Variants in RCAN1 observed in about 807,000 individuals in gnomAD.
RCAN1 encodes calcipressin-1.
A neutral mutation model predicts 22.9 loss-of-function variants in RCAN1; 11 were observed. That is an observed-to-expected ratio of 0.48 (90% CI 0.30 to 0.79). The LOEUF is 0.79. Ranked by LOEUF, RCAN1 falls within the 30% of genes least tolerant of loss-of-function variation. The pLI is 0.06. For synonymous variants in RCAN1, 136 were observed against 142.3 expected, an observed-to-expected ratio of 0.96 and a Z score of 0.32; for missense variants, 291 against 337.8, an observed-to-expected ratio of 0.86 and a Z score of 1.09.
chr21:34,521,485 A>C lies in RCAN1; in HGVS notation c.586+14T>G. On this transcript the variant is annotated intron_variant, in intron 3 of 3. Coordinates refer to ENST00000313806, the MANE Select transcript of RCAN1 (RefSeq NM_004414.7). ...TCTCCCCCTGCCTCCCTCCCACCCG[A>C]GGGCCCTGCTCACCTGGCCCCAGCT... The C allele has an allele frequency of 1.2e-6, 2 of 1,614,078 alleles. No individual in the cohort carries two copies. Among genetic ancestry groups the C allele is most frequent in the Non-Finnish European group, 1.7e-6 (2 of 1,180,014 alleles).
chr21:34,590,873 T>C (rs8134042), intron 1 of RCAN1, among the ~76,000 whole-genome samples: 1 of 152,200 alleles, frequency 6.6e-6, no homozygotes, highest in Admixed American at 6.5e-5. Flanking sequence ...TATAGCTGTA[T>C]ATTGGAGTGC....
intron 1 of RCAN1, among the ~76,000 whole-genome samples, chr21:34,567,986 C>T (rs946246061): frequency 1.2e-4 from 19 of 152,314 alleles, no homozygotes; most frequent in African/African-American, 2.9e-4. Flanking sequence ...GATAGCTAAG[C>T]GCACAGAAGG....
At chr21:34,543,937 C>T (rs1286576721) in intron 1 of RCAN1, among the ~76,000 whole-genome samples, 1 of 152,190 alleles carries the variant, frequency 6.6e-6, no homozygotes, top group South Asian at 2.1e-4. Context: ...TCAGTGCCCA[C>T]GAGGTACCAG....
chr21:34,532,213 C>T (rs542964904), intron 1 of RCAN1, among the ~76,000 whole-genome samples: 1 of 152,028 alleles, frequency 6.6e-6, no homozygotes, highest in African/African-American at 2.4e-5. Flanking sequence ...ATGAAGAACC[C>T]AATCAGATAT....
intron 1 of RCAN1, among the ~76,000 whole-genome samples, chr21:34,605,432 T>C (rs1988492836): frequency 6.6e-6 from 1 of 152,206 alleles, no homozygotes; most frequent in Admixed American, 6.5e-5. Flanking sequence ...TATATATCGA[T>C]CTATCCTATT....
chr21:34,527,170 C>T (rs546846307), intron 1 of RCAN1, among the ~76,000 whole-genome samples: 25 of 152,192 alleles, frequency 1.6e-4, no homozygotes, highest in Admixed American at 1.0e-3. Flanking sequence ...CCGAATGGGA[C>T]GACCCTTCTT....
intron 1 of RCAN1, among the ~76,000 whole-genome samples, chr21:34,595,718 C>T (rs2834548): frequency 0.076 from 11,552 of 152,282 alleles, 468 homozygotes; most frequent in African/African-American, 0.097. Context: ...ACACTGCCTT[C>T]GCCGGCCACT....
intron 1 of RCAN1, among the ~76,000 whole-genome samples, chr21:34,612,487 A>C (rs949733886): frequency 5.3e-5 from 8 of 152,050 alleles, no homozygotes; most frequent in African/African-American, 1.9e-4. Flanking sequence ...ACTCCATCTA[A>C]AGTGGCTCCC....
At chr21:34,569,262 T>C (rs1347632271) in intron 1 of RCAN1, among the ~76,000 whole-genome samples, 1 of 152,226 alleles carries the variant, frequency 6.6e-6, no homozygotes, top group Admixed American at 6.5e-5. Context: ...GTATTGTCTC[T>C]GTGGAAAATG....
chr21:34,549,162 G>T (rs570158847), intron 1 of RCAN1, among the ~76,000 whole-genome samples: 4 of 152,234 alleles, frequency 2.6e-5, no homozygotes, highest in Non-Finnish European at 1.5e-5. Context: ...CAGGGACTAA[G>T]GCGCCATGAG....
chr21:34,573,585 C>T (rs1987307499), intron 1 of RCAN1, among the ~76,000 whole-genome samples: 2 of 152,262 alleles, frequency 1.3e-5, no homozygotes, highest in African/African-American at 4.8e-5. Flanking sequence ...TTCTTATGAC[C>T]CCAAGTCTTC....
intron 1 of RCAN1, among the ~76,000 whole-genome samples, chr21:34,526,207 C>T (rs76567074): frequency 0.018 from 2,691 of 152,336 alleles, 76 homozygotes; most frequent in African/African-American, 0.062. Context: ...GGCATTTTCT[C>T]TTGTTAGAGA....
At chr21:34,608,852 C>T (rs754079754) in intron 1 of RCAN1, among the ~76,000 whole-genome samples, 1 of 152,038 alleles carries the variant, frequency 6.6e-6, no homozygotes, top group Non-Finnish European at 1.5e-5. Context: ...ACCAAGGCAT[C>T]GGTAGGATAA....
intron 1 of RCAN1, among the ~76,000 whole-genome samples, chr21:34,601,645 C>T (rs925108542): frequency 2.6e-5 from 4 of 151,958 alleles, no homozygotes; most frequent in African/African-American, 7.3e-5. Flanking sequence ...GGTGAAACCC[C>T]ATCTCTACTA....
chr21:34,551,238 T>A (rs1285530527), intron 1 of RCAN1, among the ~76,000 whole-genome samples: 1 of 152,238 alleles, frequency 6.6e-6, no homozygotes, highest in Admixed American at 6.5e-5. Context: ...CTGAACACTC[T>A]TCCTTTTTGG....
At chr21:34,563,765 AAAAAAATAT>A (rs1260521959) in intron 1 of RCAN1, among the ~76,000 whole-genome samples, 2 of 99,548 alleles carry the variant, frequency 2.0e-5, no homozygotes, top group Admixed American at 1.0e-4. Context: ...AAAAAAAAAA[AAAAAAATAT>A]ATATATATAT....
rs1458529352 is a variant in RCAN1 at position 34,523,785 on chromosome 21, T to C, written c.253-75A>G. ...ACCCTTGACTAGATGATGTCATTAC[T>C]TTTTTTTTTTTCTTCGAGACAGAGT... On this transcript the variant is annotated intron_variant, in intron 1 of 3. Coordinates refer to ENST00000313806, the MANE Select transcript of RCAN1 (RefSeq NM_004414.7). The C allele has an allele frequency of 1.0e-5, 7 of 680,554 alleles. No individual in the cohort carries two copies. The East Asian group carries it at 1.7e-4, about 16-fold the overall frequency. 42.2% of individuals were successfully genotyped at this position (680,554 alleles called of 1,614,324 possible).
At chr21:34,588,537 G>A (rs539767923) in intron 1 of RCAN1, among the ~76,000 whole-genome samples, 2 of 152,330 alleles carry the variant, frequency 1.3e-5, no homozygotes, top group South Asian at 2.1e-4. Flanking sequence ...AATAACAAGA[G>A]TTGGCAAGGA....
At chr21:34,543,503 AT>A (rs1986006380) in intron 1 of RCAN1, among the ~76,000 whole-genome samples, 1 of 152,218 alleles carries the variant, frequency 6.6e-6, no homozygotes. Context: ...ATTGAGACTG[AT>A]TTTGGAGTTT....
Sources: allele counts gnomAD v4.1 joint callset (sites outside exome capture counted in the v4.1 genomes callset), GRCh38; gene constraint gnomAD v4.1.1; transcripts MANE v1.5; gene names NCBI Gene and HGNC (gene_info 2026-07-23, HGNC 2026-07-21).